The following DRAM2 variants were observed in gnomAD, a reference collection of about 807,000 sequenced individuals.
DRAM2 encodes DNA damage regulated autophagy modulator 2.
Under a neutral mutation model 33.5 loss-of-function variants are expected in DRAM2, and 26 were observed. The ratio of observed to expected loss-of-function variants is 0.78; its 90% CI spans 0.57 to 1.08. DRAM2 has a LOEUF of 1.08. Ranked by LOEUF, DRAM2 falls within the 50% of genes least tolerant of loss-of-function variation. The pLI is 0.00. For missense variants in DRAM2, 311 were observed against 318.1 expected (o/e 0.98, Z 0.17); for synonymous variants, 98 against 109.5 (o/e 0.89, Z 0.66).
At position 111,139,508 on chromosome 1, in the gene DRAM2, A is replaced by G. The variant is rs996999819; in HGVS notation, c.-86T>C. On this transcript the variant is annotated 5_prime_UTR_variant, in exon 2 of 10. Coordinates refer to ENST00000484310, the MANE Select transcript of DRAM2 (RefSeq NM_001349884.2). ...TCTGAACCCAGAACTCACAACAGGA[A>G]CGTGTACTCAACAGGAACGTGTACT... 6.6e-6 allele frequency: 1 copy of G among 152,264 alleles called. No individual in the cohort carries two copies. The highest frequency in any genetic ancestry group is 1.5e-5 in the Non-Finnish European group (1 of 68,090). The allele number at this position is 152,264 out of a possible 1,614,324, so 9.4% of individuals were successfully genotyped here. A position where few individuals can be genotyped will look rare whatever the true frequency, so the allele number is the denominator to read the frequency against.
rs557533779 is a variant in DRAM2 at position 111,136,581 on chromosome 1, T to C, written c.-15+942A>G. ...GCCTGGGCAACAGAGCAAGACTCCA[T>C]CTCAAAAACAAAAAAACAAAAAAAA... On this transcript the variant is annotated intron_variant, in intron 3 of 9. Coordinates refer to ENST00000484310, the MANE Select transcript of DRAM2 (RefSeq NM_001349884.2). Among the ~76,000 whole-genome samples, 3 of 149,900 alleles carry C rather than the reference T, an allele frequency of 2.0e-5. No homozygotes were observed. The East Asian group carries it at 5.9e-4, about 29-fold the overall frequency.
chr1:111,121,606 C>T (rs1195241431), intron 6 of DRAM2, among the ~76,000 whole-genome samples: 1 of 152,076 alleles, frequency 6.6e-6, no homozygotes, highest in Non-Finnish European at 1.5e-5. Context: ...TTTTTCTGAA[C>T]AACATATACA....
In DRAM2 at chr1:111,135,394, C is replaced by T. The variant is rs1419754083; in HGVS notation, c.-15+2129G>A. Among the ~76,000 whole-genome samples the T allele has an allele frequency of 5.5e-4, 83 of 152,106 alleles. 3 individuals carry two copies. Among genetic ancestry groups the T allele is most frequent in the Admixed American group, 5.4e-3 (82 of 15,272 alleles). ...TCTACTTCTGCTATCAGCCAAATGCCCCCAAAGGAAACACACTGCTAGTAT... is the reference window on the plus strand; with the variant it reads ...TCTACTTCTGCTATCAGCCAAATGCTCCCAAAGGAAACACACTGCTAGTAT... On this transcript the variant is annotated intron_variant, in intron 3 of 9. Coordinates refer to ENST00000484310, the MANE Select transcript of DRAM2 (RefSeq NM_001349884.2).
rs1455417530 is a variant in DRAM2, at chr1:111,119,865, G to A, written c.600+12C>T. The stretch of plus-strand genomic sequence containing the variant: ...TAATATAAAACTAAGTTTATAGACT[G>A]TAAGTTCTTACTTTGTCCTCGGGGT... On this transcript the variant is annotated intron_variant, in intron 8 of 9. Coordinates refer to ENST00000484310, the MANE Select transcript of DRAM2 (RefSeq NM_001349884.2). The A allele has an allele frequency of 1.2e-6, 2 of 1,607,018 alleles. No individual in the cohort carries two copies. Among genetic ancestry groups the A allele is most frequent in the Non-Finnish European group, 8.5e-7 (1 of 1,174,218 alleles).
In DRAM2 at chr1:111,118,815, C is replaced by A; in HGVS notation, c.683G>T (p.Arg228Leu). Residue 228 changes from arginine (R) to leucine (L), a missense_variant, in exon 9 of 10, where the codon CGT becomes CTT. By Grantham distance (102) the Arg-to-Leu change is moderately radical. Coordinates refer to ENST00000484310, the MANE Select transcript of DRAM2 (RefSeq NM_001349884.2). Reference sequence around the variant, plus strand: ...ATTGTGCCTTCTTACCTGAAAATCACGAATGTAAGTCAGGAAAAAACCAAA... The same window carrying A: ...ATTGTGCCTTCTTACCTGAAAATCAAGAATGTAAGTCAGGAAAAAACCAAA... Reference protein sequence around the residue: ...SFFGFFLTYIRDFQKISLRVE... With the variant: ...SFFGFFLTYILDFQKISLRVE... 3 of 1,605,440 alleles carry A rather than the reference C, an allele frequency of 1.9e-6. No individual in the cohort carries two copies. The highest frequency in any genetic ancestry group is 1.1e-5 in the South Asian group (1 of 90,308).
chr1:111,119,284 G>A (rs1024784073), intron 8 of DRAM2, among the ~76,000 whole-genome samples: 1 of 151,804 alleles, frequency 6.6e-6, no homozygotes, highest in African/African-American at 2.4e-5. Context: ...ATAATATATG[G>A]GTTACAATTG....
chr1:111,130,607 G>A lies in DRAM2; in HGVS notation c.131+817C>T, dbSNP rs184542041. Among the ~76,000 whole-genome samples the A allele has an allele frequency of 8.0e-3, 1,213 of 152,042 alleles. 16 individuals are homozygous for A. Among genetic ancestry groups the A allele is most frequent in the African/African-American group, 0.028 (1,164 of 41,474 alleles). On this transcript the variant is annotated intron_variant, in intron 4 of 9. Transcript: ENST00000484310. ...TCTAGTGACTCAGGAGGCTGAGGCA[G>A]GAGAATCACTTGAACCTGGGAGGCG... is the stretch of plus-strand genomic sequence containing the variant.
chr1:111,137,289 GA>G (rs1372648481), intron 3 of DRAM2, among the ~76,000 whole-genome samples: 1 of 151,300 alleles, frequency 6.6e-6, no homozygotes, highest in Non-Finnish European at 1.5e-5. Context: ...CATGATTGTG[GA>G]AAAGTTCTAT....
intron 4 of DRAM2, 42 bp from the exon 5 acceptor site, chr1:111,126,336 A>AT: frequency 9.0e-7 from 1 of 1,116,328 alleles, no homozygotes; most frequent in Non-Finnish European, 1.4e-6. Context: ...CTCATACTAG[A>AT]TAAACACATA....
intron 1 of DRAM2, 125 bp from the exon 2 acceptor site, chr1:111,139,791 A>C (rs1654166838): frequency 6.5e-6 from 1 of 152,684 alleles, no homozygotes; most frequent in African/African-American, 2.4e-5. Flanking sequence ...GCCCAGCTGC[A>C]CTCATCCCCG....
At chr1:111,127,523 C>T (rs1218312763) in intron 4 of DRAM2, among the ~76,000 whole-genome samples, 1 of 151,262 alleles carries the variant, frequency 6.6e-6, no homozygotes, top group Admixed American at 6.6e-5. Flanking sequence ...TGTAAAGAAA[C>T]AATTATAAAA....
rs1482198056 is a variant in DRAM2, at chr1:111,119,979, G to A, written c.518-20C>T. 3.1e-6 allele frequency: 5 copies of A among 1,601,556 alleles called. No individual in the cohort carries two copies. The East Asian group carries it at 6.7e-5, about 21-fold the overall frequency. On this transcript the variant is annotated intron_variant, in intron 7 of 9. Coordinates refer to ENST00000484310, the MANE Select transcript of DRAM2 (RefSeq NM_001349884.2). ...TCAGCACTATAAAAACATAAGTCAA[G>A]GAAGAATCTCAGAGACGATCTCAGA...
chr1:111,122,300 A>G (rs1557885816), intron 6 of DRAM2, among the ~76,000 whole-genome samples: 1 of 152,364 alleles, frequency 6.6e-6, no homozygotes, highest in South Asian at 2.1e-4. Context: ...GTGAATGCAC[A>G]GGAACCATTG....
chr1:111,127,907 T>C (rs1347640232), intron 4 of DRAM2: 1 of 152,184 alleles, frequency 6.6e-6, no homozygotes, highest in South Asian at 2.1e-4. Context: ...CATTATTCTG[T>C]ACGTTAAATA....
At chr1:111,124,687 A>T in intron 6 of DRAM2, 55 bp downstream of exon 6, 1 of 1,568,700 alleles carries the variant, frequency 6.4e-7, no homozygotes, top group East Asian at 2.3e-5. Flanking sequence ...TTTCCCTTTT[A>T]ATATATATAT....
rs751661415 is a variant in DRAM2, at chr1:111,131,564, GT to G, written c.-11del. 6.2e-7 allele frequency: 1 copy of G among 1,612,698 alleles called. No homozygotes were observed. The highest frequency in any genetic ancestry group is 8.5e-7 in the Non-Finnish European group (1 of 1,179,662). On this transcript the variant is annotated 5_prime_UTR_variant, in exon 4 of 10. Coordinates refer to ENST00000484310, the MANE Select transcript of DRAM2 (RefSeq NM_001349884.2). ...GCTGAAACCACCACATTTCTAACAG[GT>G]TTTCTGAAATAGAGAAAACATATTA...
At chr1:111,120,178 CA>C (rs746871309) in intron 7 of DRAM2, among the ~76,000 whole-genome samples, 1 of 151,762 alleles carries the variant, frequency 6.6e-6, no homozygotes, top group Non-Finnish European at 1.5e-5. Context: ...CCTCTTTGCT[CA>C]GAAAATTAGC....
chr1:111,119,787 A>C, intron 8 of DRAM2, 90 bp downstream of exon 8: 1 of 1,085,162 alleles, frequency 9.2e-7, no homozygotes, highest in Non-Finnish European at 1.4e-6. Context: ...GAAGACTTTC[A>C]TTGTTACTGA....
At chr1:111,137,714 G>C (rs766522081) in intron 2 of DRAM2, 128 bp from the exon 3 acceptor site, 1 of 152,102 alleles carries the variant, frequency 6.6e-6, no homozygotes, top group African/African-American at 2.4e-5. Flanking sequence ...TTGTTAACAG[G>C]TTATTTTTCT....
Sources: allele counts gnomAD v4.1 joint callset (sites outside exome capture counted in the v4.1 genomes callset), GRCh38; gene constraint gnomAD v4.1.1; transcripts MANE v1.5; gene names NCBI Gene and HGNC (gene_info 2026-07-23, HGNC 2026-07-21).